MITD1: variants seen among roughly 807,000 people sequenced by gnomAD.
MITD1 encodes the protein MIT domain-containing protein 1.
In MITD1, 24 loss-of-function variants were observed where a neutral mutation model predicts 34.9. That is an observed-to-expected ratio of 0.69 (90% CI 0.50 to 0.97). The LOEUF is 0.97. MITD1 is among the 50% of genes least tolerant of loss of function. MITD1 has a pLI of 0.00. For missense variants in MITD1, 266 were observed against 294.6 expected (o/e 0.90, Z 0.71); for synonymous variants, 102 against 101.4 (o/e 1.01, Z -0.04).
downstream of MITD1, chr2:99,161,685 A>G (rs943431036): frequency 3.5e-6 from 1 of 289,416 alleles, no homozygotes; most frequent in Admixed American, 4.7e-5. Flanking sequence ...GAGAAAAAAA[A>G]AAGATATATT....
downstream of MITD1, among the ~76,000 whole-genome samples, chr2:99,168,946 ATTTTTTTTTTTTT>A (rs1175310553): frequency 8.5e-4 from 42 of 49,330 alleles, no homozygotes; most frequent in Admixed American, 3.3e-3. Context: ...TGCCCGGCTA[ATTTTTTTTTTTTT>A]TTTTTTTTTT....
At chr2:99,171,282 G>T in intron 4 of MITD1, 61 bp downstream of exon 4, 2 of 1,260,356 alleles carry the variant, frequency 1.6e-6, no homozygotes, top group Non-Finnish European at 2.3e-6. Flanking sequence ...CTCCTTGACT[G>T]GACTACATCT....
At chr2:99,162,731 A>C (rs1183383862) in intron 7 of MITD1, 3 of 1,614,104 alleles carry the variant, frequency 1.9e-6, no homozygotes, top group Non-Finnish European at 2.5e-6. Flanking sequence ...TGTTTCCTGG[A>C]ATAAATAGCA....
chr2:99,162,012 G>A, exon 8 of MITD1: 8 of 1,613,424 alleles, frequency 5.0e-6, no homozygotes, highest in Non-Finnish European at 5.9e-6. Context: ...TAACTGCCAG[G>A]TCCCAGCAGC....
downstream of MITD1, among the ~76,000 whole-genome samples, chr2:99,168,697 G>C (rs923938855): frequency 6.6e-6 from 1 of 152,166 alleles, no homozygotes; most frequent in Non-Finnish European, 1.5e-5. Flanking sequence ...CTGCATGATG[G>C]TAAATGTTTA....
intron 1 of MITD1, among the ~76,000 whole-genome samples, chr2:99,175,681 T>A (rs942438376): frequency 6.6e-6 from 1 of 152,258 alleles, no homozygotes; most frequent in Admixed American, 6.5e-5. Context: ...TGATGGTCCT[T>A]GCCTGCAACA....
At chr2:99,162,746 CA>C in intron 7 of MITD1, 1 of 1,614,004 alleles carries the variant, frequency 6.2e-7, no homozygotes, top group Non-Finnish European at 8.5e-7. Flanking sequence ...ATAGCAAAGC[CA>C]AAGAACTGCA....
At position 99,170,549 on chromosome 2, in the gene MITD1, T is replaced by G; in HGVS notation, c.581A>C (p.Asp194Ala). 6.6e-7 allele frequency: 1 copy of G among 1,519,032 alleles called. No homozygotes were observed. Among genetic ancestry groups the G allele is most frequent in the Non-Finnish European group, 9.1e-7 (1 of 1,100,606 alleles). The allele number at this position is 1,519,032 out of a possible 1,614,324, so 94.1% of individuals were successfully genotyped here. The change falls in exon 5 of 7, where the codon GAC becomes GCC. Residue 194 changes from aspartate (D) to alanine (A), a missense_variant. Asp to Ala is a moderately radical substitution (Grantham distance 126). Coordinates refer to ENST00000289359, the MANE Select transcript of MITD1 (RefSeq NM_138798.3). ...ATTGTAGACTAACCTAATTTCTCGG[T>G]CATGTATTGAAGAAGAGTATTGAAC... ...LEVQYSSSIH[D>A]REIRFNNGWM...
At chr2:99,173,369 T>G (rs2093868965) in intron 2 of MITD1, 1 of 401,626 alleles carries the variant, frequency 2.5e-6, no homozygotes, top group Non-Finnish European at 5.5e-6. Context: ...ATTTGTAAAC[T>G]GGATGCTTAG....
At chr2:99,170,712 C>A in intron 4 of MITD1, 60 bp from the exon 5 acceptor site, 1 of 784,444 alleles carries the variant, frequency 1.3e-6, no homozygotes, top group South Asian at 1.6e-5. Flanking sequence ...TAAATTATCC[C>A]TAAGCTATAC....
At position 99,181,018 on chromosome 2, in the gene MITD1, A is replaced by C; in HGVS notation, c.-37T>G. 6.3e-7 allele frequency: 1 copy of C among 1,598,202 alleles called. No individual in the cohort carries two copies. Among genetic ancestry groups the C allele is most frequent in the Non-Finnish European group, 8.5e-7 (1 of 1,171,458 alleles). On this transcript the variant is annotated 5_prime_UTR_variant, in exon 1 of 7. Coordinates refer to ENST00000289359, the MANE Select transcript of MITD1 (RefSeq NM_138798.3). ...TTCTCCTCCGCCTCAACCCAGGATG[A>C]AGTTGAGCGGGTCTGCTGCGCTTCC... is the stretch of plus-strand genomic sequence containing the variant.
chr2:99,171,547 A>G lies in MITD1; in HGVS notation c.353T>C (p.Val118Ala). The G allele has an allele frequency of 6.2e-7, 1 of 1,612,204 alleles. No individual in the cohort carries two copies. Among genetic ancestry groups the G allele is most frequent in the South Asian group, 1.1e-5 (1 of 90,986 alleles). Residue 118 changes from valine (V) to alanine (A), a missense_variant, in exon 3 of 7, where the codon GTT becomes GCT. Val to Ala is a moderately conservative substitution (Grantham distance 64). Transcript: ENST00000289359. Reference protein sequence around the residue: ...REYLNETVTEVWIEDPYIRHT... With the variant: ...REYLNETVTEAWIEDPYIRHT... ...TCTAATATAAGGATCTTCTATCCAA[A>G]CTTCTGTAACTGTCTCATTAAGGTA... is the stretch of plus-strand genomic sequence containing the variant.
intron 1 of MITD1, among the ~76,000 whole-genome samples, chr2:99,176,157 G>A (rs1184588212): frequency 6.6e-6 from 1 of 152,088 alleles, no homozygotes; most frequent in Non-Finnish European, 1.5e-5. Context: ...TCACCATGTT[G>A]CCCAGGCTAG....
intron 1 of MITD1, among the ~76,000 whole-genome samples, chr2:99,176,578 G>A (rs13023479): frequency 0.59 from 89,788 of 151,586 alleles, 27,482 homozygotes; most frequent in East Asian, 0.88. Flanking sequence ...CCACCCGCCT[G>A]GGGCTCCCAA....
At chr2:99,161,829 A>G (rs1401788542), downstream of MITD1, 1 of 743,546 alleles carries the variant, frequency 1.3e-6, no homozygotes, top group African/African-American at 1.8e-5. Context: ...TTGTAAAGCT[A>G]AAAGCCAAAA....
intron 7 of MITD1, chr2:99,162,651 G>A: frequency 6.2e-7 from 1 of 1,614,092 alleles, no homozygotes; most frequent in Non-Finnish European, 8.5e-7. Flanking sequence ...GAATGCTGTT[G>A]CTACAGAGTA....
At chr2:99,179,382 A>C (rs13404012) in intron 1 of MITD1, among the ~76,000 whole-genome samples, 5,361 of 152,254 alleles carry the variant, frequency 0.035, 218 homozygotes, top group South Asian at 0.16. Context: ...TTTATGCTGT[A>C]AAACGAGAAT....
chr2:99,180,784 A>G, intron 1 of MITD1, 47 bp downstream of exon 1: 1 of 1,530,058 alleles, frequency 6.5e-7, no homozygotes. Context: ...CACAGCAGGA[A>G]CCAGCTCCTT....
At chr2:99,175,600 A>C (rs972487762) in intron 1 of MITD1, among the ~76,000 whole-genome samples, 1 of 152,092 alleles carries the variant, frequency 6.6e-6, no homozygotes, top group Non-Finnish European at 1.5e-5. Context: ...TCTCTTTTGT[A>C]ATTTGTAAGT....
Sources: gnomAD v4.1 joint callset for allele counts (sites outside exome capture counted in the v4.1 genomes callset) on GRCh38, gnomAD v4.1.1 for gene constraint, MANE v1.5 for transcripts, NCBI Gene and HGNC (gene_info 2026-07-23, HGNC 2026-07-21) for gene names.